NTF3: variants seen among roughly 807,000 people sequenced by gnomAD.
NTF3 encodes neurotrophin 3, also known as neurotrophin-3.
In NTF3, 8 loss-of-function variants were observed where a neutral mutation model predicts 26.3. That is an observed-to-expected ratio of 0.30 (90% CI 0.18 to 0.55). The LOEUF is 0.55. NTF3 is among the 20% of genes least tolerant of loss of function. The pLI is 0.93. For missense variants in NTF3, 276 were observed against 352.9 expected, an observed-to-expected ratio of 0.78 and a Z score of 1.75; for synonymous variants, 154 against 145.5, an observed-to-expected ratio of 1.06 and a Z score of -0.42.
Position 5,458,410 on chromosome 12 carries a change from T to G in NTF3, c.18+26068T>G, listed in dbSNP as rs12227499. Reference sequence around the variant, plus strand: ...ACCCAGCATTCCTTATTGTAGTTCCTGATTCAACACCTTTCTCAGGAGACT... The same window carrying G: ...ACCCAGCATTCCTTATTGTAGTTCCGGATTCAACACCTTTCTCAGGAGACT... On this transcript the variant is annotated intron_variant, in intron 1 of 1. Coordinates refer to ENST00000423158, the MANE Select transcript of NTF3 (RefSeq NM_001102654.2). 3.1e-3 allele frequency among the ~76,000 whole-genome samples: 478 copies of G among 152,350 alleles called. 9 individuals are homozygous for G. In the East Asian group the frequency reaches 0.061, roughly 19 times the overall value.
intron 1 of NTF3, among the ~76,000 whole-genome samples, chr12:5,438,509 G>C (rs1940200034): frequency 6.6e-6 from 1 of 152,212 alleles, no homozygotes; most frequent in South Asian, 2.1e-4. Context: ...GGTCTGTTGT[G>C]ATTGCTCACT....
At chr12:5,448,930 T>C (rs1284005811) in intron 1 of NTF3, among the ~76,000 whole-genome samples, 1 of 152,230 alleles carries the variant, frequency 6.6e-6, no homozygotes, top group Non-Finnish European at 1.5e-5. Context: ...AACGCACTTC[T>C]GAGTTCTTGA....
At chr12:5,470,467 A>G (rs1228998475) in intron 1 of NTF3, among the ~76,000 whole-genome samples, 1 of 152,184 alleles carries the variant, frequency 6.6e-6, no homozygotes, top group Non-Finnish European at 1.5e-5. Context: ...CGCAGTCTAA[A>G]TGCTGAGGCA....
chr12:5,469,478 A>G (rs1449757379), intron 1 of NTF3, among the ~76,000 whole-genome samples: 1 of 152,164 alleles, frequency 6.6e-6, no homozygotes, highest in Non-Finnish European at 1.5e-5. Context: ...CCAGGTCACA[A>G]TCATGGGGCC....
At chr12:5,478,529 TGGCTCATACGGGCCTGC>T in intron 1 of NTF3, among the ~76,000 whole-genome samples, 1 of 152,394 alleles carries the variant, frequency 6.6e-6, no homozygotes, top group South Asian at 2.1e-4. Context: ...GGGTCACTCA[TGGCTCATACGGGCCTGC>T]GGCCCGATAG....
At chr12:5,475,547 T>C (rs1403428553) in intron 1 of NTF3, among the ~76,000 whole-genome samples, 4 of 151,946 alleles carry the variant, frequency 2.6e-5, no homozygotes, top group Admixed American at 2.0e-4. Context: ...GTTGAAAATA[T>C]GTCTGGGCCA....
intron 1 of NTF3, among the ~76,000 whole-genome samples, chr12:5,471,153 C>T (rs1241361873): frequency 6.6e-6 from 1 of 152,132 alleles, no homozygotes; most frequent in African/African-American, 2.4e-5. Flanking sequence ...TCTCTTCTAA[C>T]ACTAGAAATT....
chr12:5,485,157 A>T (rs1335934095), intron 1 of NTF3, among the ~76,000 whole-genome samples: 1 of 152,206 alleles, frequency 6.6e-6, no homozygotes, highest in Non-Finnish European at 1.5e-5. Flanking sequence ...GCCCCATATC[A>T]CCTAGATGTG....
intron 1 of NTF3, among the ~76,000 whole-genome samples, chr12:5,468,900 C>A (rs563598117): frequency 6.6e-6 from 1 of 152,126 alleles, no homozygotes; most frequent in Non-Finnish European, 1.5e-5. Flanking sequence ...GCAGGTGGAT[C>A]GCTTTAGCCC....
At chr12:5,446,809 C>T (rs573417255) in intron 1 of NTF3, among the ~76,000 whole-genome samples, 25 of 152,296 alleles carry the variant, frequency 1.6e-4, no homozygotes, top group Non-Finnish European at 2.5e-4. Context: ...GTGCATGCTT[C>T]GGTAAGAGCT....
chr12:5,477,855 T>C (rs1407601218), intron 1 of NTF3, among the ~76,000 whole-genome samples: 7 of 152,198 alleles, frequency 4.6e-5, no homozygotes, highest in African/African-American at 1.7e-4. Context: ...ACAGATATTT[T>C]CCTGCCTCTT....
chr12:5,469,628 G>A (rs543582081), intron 1 of NTF3, among the ~76,000 whole-genome samples: 6 of 152,250 alleles, frequency 3.9e-5, no homozygotes, highest in East Asian at 3.9e-4. Flanking sequence ...CAGCAAGGCC[G>A]AATGAAGAAA....
At chr12:5,434,990 C>T (rs1174395718) in intron 1 of NTF3, among the ~76,000 whole-genome samples, 3 of 152,074 alleles carry the variant, frequency 2.0e-5, no homozygotes, top group East Asian at 1.9e-4. Context: ...GGAAGGACAC[C>T]GGGTTGGTGT....
intron 1 of NTF3, 60 bp downstream of exon 1, chr12:5,432,402 G>A: frequency 6.3e-7 from 1 of 1,591,172 alleles, no homozygotes; most frequent in Admixed American, 1.7e-5. Flanking sequence ...TCCACGTGGG[G>A]AGGGATTTTC....
chr12:5,434,122 G>T (rs757226333), intron 1 of NTF3, among the ~76,000 whole-genome samples: 2 of 152,116 alleles, frequency 1.3e-5, no homozygotes, highest in Admixed American at 6.5e-5. Context: ...CCTGCCTCCC[G>T]CCTGCCCTCA....
chr12:5,448,848 A>T (rs1025564719), intron 1 of NTF3, among the ~76,000 whole-genome samples: 2 of 152,240 alleles, frequency 1.3e-5, no homozygotes, highest in Admixed American at 6.5e-5. Context: ...CATTTATCTA[A>T]TGTGAAAAAT....
chr12:5,489,659 C>T (rs999178651), intron 1 of NTF3, among the ~76,000 whole-genome samples: 1 of 152,138 alleles, frequency 6.6e-6, no homozygotes, highest in Non-Finnish European at 1.5e-5. Flanking sequence ...CAGCAAGAGG[C>T]GTCTTTAGGT....
chr12:5,464,071 C>T (rs1591599127), intron 1 of NTF3, among the ~76,000 whole-genome samples: 1 of 152,218 alleles, frequency 6.6e-6, no homozygotes, highest in African/African-American at 2.4e-5. Flanking sequence ...GCCCAGTACC[C>T]TTTACACTGG....
chr12:5,493,838 G>A (rs1221362068), intron 1 of NTF3, among the ~76,000 whole-genome samples: 1 of 152,190 alleles, frequency 6.6e-6, no homozygotes. Context: ...AAGTTTTCAT[G>A]CTTTGCCAAG....
Sources: gnomAD v4.1 joint callset for allele counts (sites outside exome capture counted in the v4.1 genomes callset) on GRCh38, gnomAD v4.1.1 for gene constraint, MANE v1.5 for transcripts, NCBI Gene and HGNC (gene_info 2026-07-23, HGNC 2026-07-21) for gene names.